The following PTK2 variants were observed in gnomAD, a reference collection of about 807,000 sequenced individuals.
PTK2 encodes focal adhesion kinase 1.
Under a neutral mutation model 150.1 loss-of-function variants are expected in PTK2, and 45 were observed. That is an observed-to-expected ratio of 0.30 (90% CI 0.24 to 0.38). The LOEUF (loss-of-function observed/expected upper bound fraction) is 0.38, where lower values mean the gene tolerates loss of function less well. Among genes scored for constraint, PTK2 ranks in the 10% least tolerant of loss-of-function variants. The pLI is 1.00. For missense variants in PTK2, 919 were observed against 1,307.3 expected (o/e 0.70, Z 4.58); for synonymous variants, 432 against 449.2 (o/e 0.96, Z 0.48).
Position 140,664,781 on chromosome 8 carries a change from A to G in PTK2, c.2946+136T>C, listed in dbSNP as rs914230345. ...CTGGTTGGGGCCAGTGTTAGAGGGAAGGTCATCGCTTGTAGGGCAGTTGAT... is the reference window on the plus strand; with the variant it reads ...CTGGTTGGGGCCAGTGTTAGAGGGAGGGTCATCGCTTGTAGGGCAGTTGAT... On this transcript the variant is annotated intron_variant, in intron 31 of 31. Transcript: ENST00000522684. 8 of 834,476 alleles carry G rather than the reference A, an allele frequency of 9.6e-6. No individual in the cohort carries two copies. In the African/African-American group the frequency reaches 1.2e-4, roughly 12 times the overall value. 51.7% of individuals were successfully genotyped at this position (834,476 alleles called of 1,614,324 possible).
chr8:140,874,449 C>A (rs1233318293), intron 4 of PTK2, among the ~76,000 whole-genome samples: 1 of 152,088 alleles, frequency 6.6e-6, no homozygotes, highest in Non-Finnish European at 1.5e-5. Flanking sequence ...CTGCAGCTGC[C>A]CTCACATACC....
chr8:140,896,535 T>C (rs2100156271), intron 2 of PTK2, among the ~76,000 whole-genome samples: 1 of 152,212 alleles, frequency 6.6e-6, no homozygotes, highest in African/African-American at 2.4e-5. Flanking sequence ...GCTACCTCGA[T>C]ACATGCAGAA....
intron 25 of PTK2, 99 bp from the exon 29 acceptor site, chr8:140,701,121 G>GC: frequency 7.6e-7 from 1 of 1,324,386 alleles, no homozygotes; most frequent in Non-Finnish European, 1.0e-6. Flanking sequence ...AAGCAAAACA[G>GC]CAAGTATGAG....
chr8:140,819,136 C>T (rs2100106642), intron 8 of PTK2, 116 bp from the exon 9 acceptor site: 1 of 1,028,926 alleles, frequency 9.7e-7, no homozygotes, highest in Non-Finnish European at 1.4e-6. Context: ...ATTCAAATTA[C>T]TGCCAAAAAG....
chr8:140,847,877 T>C (rs2100126603), intron 5 of PTK2, among the ~76,000 whole-genome samples: 1 of 152,178 alleles, frequency 6.6e-6, no homozygotes, highest in Non-Finnish European at 1.5e-5. Context: ...AACTCATCTC[T>C]CACTCCACAC....
In PTK2 at chr8:140,665,025, T is replaced by C. The variant is rs776288215; in HGVS notation, c.2866-28A>G. Reference sequence around the variant, plus strand: ...AACAGACAAGAATCACAACCAATATTAGAACACACACAAAGGATTTTTATG... The same window carrying C: ...AACAGACAAGAATCACAACCAATATCAGAACACACACAAAGGATTTTTATG... On this transcript the variant is annotated intron_variant, in intron 30 of 31. Transcript: ENST00000522684. 7.6e-6 allele frequency: 12 copies of C among 1,580,422 alleles called. No individual in the cohort carries two copies. In the African/African-American group the frequency reaches 1.2e-4, roughly 16 times the overall value.
chr8:140,805,656 C>A (rs1468886145), intron 10 of PTK2, among the ~76,000 whole-genome samples: 1 of 151,890 alleles, frequency 6.6e-6, no homozygotes, highest in Non-Finnish European at 1.5e-5. Flanking sequence ...CATTATCCAA[C>A]CTCTCCACAA....
At chr8:140,768,501 A>G (rs1398444971) in intron 14 of PTK2, among the ~76,000 whole-genome samples, 1 of 152,232 alleles carries the variant, frequency 6.6e-6, no homozygotes, top group South Asian at 2.1e-4. Flanking sequence ...GTAATCCCTC[A>G]GCTAGTCAGC....
intron 27 of PTK2, among the ~76,000 whole-genome samples, chr8:140,676,415 T>TTAATTA (rs1485858882): frequency 6.7e-6 from 1 of 149,250 alleles, no homozygotes; most frequent in East Asian, 2.0e-4. Context: ...AATTAATTAA[T>TTAATTA]ATATATATTC....
chr8:140,825,824 T>A (rs1219937105), intron 8 of PTK2, among the ~76,000 whole-genome samples: 1 of 152,236 alleles, frequency 6.6e-6, no homozygotes, highest in Non-Finnish European at 1.5e-5. Flanking sequence ...AGAGTAATCA[T>A]CAGAATTCTG....
intron 3 of PTK2, among the ~76,000 whole-genome samples, chr8:140,881,210 C>A (rs2100148854): frequency 6.6e-6 from 1 of 152,152 alleles, no homozygotes; most frequent in Non-Finnish European, 1.5e-5. Flanking sequence ...AATGACAGTA[C>A]CCTACCTACA....
chr8:140,973,186 C>T (rs540359178), intron 1 of PTK2, among the ~76,000 whole-genome samples: 15 of 152,252 alleles, frequency 9.9e-5, no homozygotes, highest in African/African-American at 3.6e-4. Context: ...AAGGATTAAC[C>T]GCCTTGCTCA....
intron 1 of PTK2, among the ~76,000 whole-genome samples, chr8:140,941,485 A>G (rs910956047): frequency 3.1e-4 from 47 of 152,208 alleles, no homozygotes; most frequent in African/African-American, 1.1e-3. Context: ...CACTGATTCT[A>G]TTAGTGCCAC....
At chr8:140,868,130 T>C (rs1385079961) in intron 4 of PTK2, among the ~76,000 whole-genome samples, 1 of 152,136 alleles carries the variant, frequency 6.6e-6, no homozygotes, top group South Asian at 2.1e-4. Flanking sequence ...ATATGAGCAC[T>C]AAGACACCCA....
chr8:140,896,790 G>A (rs1032315873), intron 2 of PTK2, among the ~76,000 whole-genome samples: 3,069 of 106,650 alleles, frequency 0.029, 145 homozygotes, highest in African/African-American at 0.089. Flanking sequence ...CAAAAAAACG[G>A]GGGGGGGGGG....
intron 5 of PTK2, among the ~76,000 whole-genome samples, chr8:140,859,603 G>A (rs1215549720): frequency 6.6e-6 from 1 of 152,048 alleles, no homozygotes; most frequent in African/African-American, 2.4e-5. Context: ...CAAATTCTGA[G>A]GCCATTATAA....
chr8:140,939,326 A>G (rs910269245), intron 1 of PTK2, among the ~76,000 whole-genome samples: 13 of 152,262 alleles, frequency 8.5e-5, no homozygotes, highest in Admixed American at 2.6e-4. Flanking sequence ...ACAAGCATAC[A>G]TAAGTGATCA....
At chr8:140,904,430 T>G (rs550949726) in intron 2 of PTK2, among the ~76,000 whole-genome samples, 125 of 152,294 alleles carry the variant, frequency 8.2e-4, no homozygotes, top group African/African-American at 2.8e-3. Flanking sequence ...CGCATCGATG[T>G]TCATCAGGCA....
At chr8:140,815,798 GATC>G (rs2100104378) in intron 10 of PTK2, among the ~76,000 whole-genome samples, 1 of 151,928 alleles carries the variant, frequency 6.6e-6, no homozygotes, top group African/African-American at 2.4e-5. Context: ...GGAGAAAAAG[GATC>G]ATATCAATAG....
Sources: gnomAD v4.1 joint callset for allele counts (sites outside exome capture counted in the v4.1 genomes callset) on GRCh38, gnomAD v4.1.1 for gene constraint, MANE v1.5 for transcripts, NCBI Gene and HGNC (gene_info 2026-07-23, HGNC 2026-07-21) for gene names.